ARPC1A: variants seen among roughly 807,000 people sequenced by gnomAD.
The protein encoded by ARPC1A is actin-related protein 2/3 complex subunit 1A.
A neutral mutation model predicts 46.9 loss-of-function variants in ARPC1A; 8 were observed. The ratio of observed to expected loss-of-function variants is 0.17; its 90% CI spans 0.10 to 0.31. The LOEUF is 0.31. ARPC1A is among the 10% of genes least tolerant of loss of function. ARPC1A has a pLI of 1.00. For missense variants in ARPC1A, 286 were observed against 483.6 expected (o/e 0.59, Z 3.83); for synonymous variants, 152 against 169.0 (o/e 0.90, Z 0.78).
chr7:99,332,900 G>A (rs1432418310), intron 1 of ARPC1A, among the ~76,000 whole-genome samples: 1 of 129,046 alleles, frequency 7.7e-6, no homozygotes, highest in South Asian at 2.5e-4. Context: ...CACCATGCCC[G>A]GCCTTTTTTT....
At chr7:99,339,852 C>A in intron 3 of ARPC1A, 2 of 384,096 alleles carry the variant, frequency 5.2e-6, no homozygotes, top group South Asian at 1.8e-5. Context: ...TGTGTTAATA[C>A]CACAGGGTAT....
chr7:99,344,920 C>CTTTTTTTTT lies in ARPC1A; in HGVS notation c.392+426_392+434dup, dbSNP rs1172071932. Among the ~76,000 whole-genome samples, 196 of 20,108 alleles carry CTTTTTTTTT rather than the reference C, an allele frequency of 9.7e-3. 66 individuals are homozygous for CTTTTTTTTT. Among genetic ancestry groups the CTTTTTTTTT allele is most frequent in the African/African-American group, 0.036 (167 of 4,576 alleles). 13.2% of individuals were successfully genotyped at this position (20,108 alleles called of 152,430 possible). On this transcript the variant is annotated intron_variant, in intron 4 of 9. Transcript: ENST00000262942. Reference sequence around the variant, plus strand: ...TAGGATTCCTACAGATAACAATGTTCTTTTTTTTTTTTTTTTTTTTTTTTT... The same window carrying CTTTTTTTTT: ...TAGGATTCCTACAGATAACAATGTTCTTTTTTTTTTTTTTTTTTTTTTTTTTTTTTTTTT...
At position 99,358,532 on chromosome 7, in the gene ARPC1A, C is replaced by T. The variant is rs913516017; in HGVS notation, c.789+117C>T. On this transcript the variant is annotated intron_variant, in intron 7 of 9. Transcript: ENST00000262942. ...GAACAGTTTTTTAGAAGAAACAGAG[C>T]TCACTTTTTTTTTTTTTTTTTTTTT... 3 of 611,460 alleles carry T rather than the reference C, an allele frequency of 4.9e-6. No individual in the cohort carries two copies. The African/African-American group carries it at 6.5e-5, about 13-fold the overall frequency. 37.9% of individuals were successfully genotyped at this position (611,460 alleles called of 1,614,324 possible).
In ARPC1A at chr7:99,344,376, G is replaced by A; in HGVS notation, c.253G>A (p.Val85Ile). ...CTATGTCTGGAGTCAGAAAGATGGT[G>A]TTTGGAAGCCAACCCTGGTGATCCT... is the stretch of plus-strand genomic sequence containing the variant. ...NAYVWSQKDG[V>I]WKPTLVILRI... Residue 85 changes from valine to isoleucine, a missense_variant, in exon 4 of 10, where the codon GTT (valine) becomes ATT (isoleucine). Coordinates refer to ENST00000262942, the MANE Select transcript of ARPC1A (RefSeq NM_006409.4). 3 of 1,614,026 alleles carry A rather than the reference G, an allele frequency of 1.9e-6. No homozygotes were observed. Among genetic ancestry groups the A allele is most frequent in the Non-Finnish European group, 2.5e-6 (3 of 1,179,872 alleles).
At chr7:99,342,792 G>A (rs548059212) in intron 3 of ARPC1A, among the ~76,000 whole-genome samples, 3 of 140,812 alleles carry the variant, frequency 2.1e-5, no homozygotes, top group Non-Finnish European at 3.0e-5. Context: ...GTGCGATCTC[G>A]GCTCACTGTA....
intron 8 of ARPC1A, among the ~76,000 whole-genome samples, chr7:99,362,077 T>C (rs149562836): frequency 0.099 from 15,085 of 152,010 alleles, 1,957 homozygotes; most frequent in African/African-American, 0.3. Context: ...GGCGGATCAC[T>C]TGAGGTCAGG....
chr7:99,336,140 C>T (rs1159201619), intron 2 of ARPC1A, among the ~76,000 whole-genome samples: 1 of 152,142 alleles, frequency 6.6e-6, no homozygotes. Flanking sequence ...ATTTTTAATA[C>T]AGATGCAAGC....
chr7:99,361,197 C>T (rs1244666510), intron 8 of ARPC1A, among the ~76,000 whole-genome samples: 1 of 152,048 alleles, frequency 6.6e-6, no homozygotes, highest in Admixed American at 6.6e-5. Context: ...GCTGCAAATG[C>T]TGTATTGAAA....
Position 99,366,261 on chromosome 7 carries a change from G to A in ARPC1A, c.*332G>A. 1 of 256,324 alleles carries A rather than the reference G, an allele frequency of 3.9e-6. No homozygotes were observed. The highest frequency in any genetic ancestry group is 6.8e-5 in the South Asian group (1 of 14,686). The allele number at this position is 256,324 out of a possible 1,614,324, so 15.9% of individuals were successfully genotyped here. The stretch of plus-strand genomic sequence containing the variant: ...AAAATTAAATAAAAGAACTGAATGT[G>A]GTTTTGGTTTTGTTTCCTTGTAGTA... On this transcript the variant is annotated 3_prime_UTR_variant, in exon 10 of 10. Transcript: ENST00000262942.
intron 6 of ARPC1A, among the ~76,000 whole-genome samples, chr7:99,356,191 C>T (rs1276141599): frequency 6.6e-6 from 1 of 152,192 alleles, no homozygotes; most frequent in Non-Finnish European, 1.5e-5. Context: ...GTGACCTTTA[C>T]TCCCTGTCAG....
chr7:99,359,453 A>T, intron 7 of ARPC1A, 92 bp from the exon 8 acceptor site: 85 of 1,067,010 alleles, frequency 8.0e-5, no homozygotes, highest in Middle Eastern at 3.1e-4. Context: ...AAAAAAAAAA[A>T]GAGTAAGAGA....
intron 5 of ARPC1A, among the ~76,000 whole-genome samples, chr7:99,350,227 C>CT (rs1793524875): frequency 6.6e-6 from 1 of 152,144 alleles, no homozygotes; most frequent in Admixed American, 6.6e-5. Flanking sequence ...AGCATGTACT[C>CT]TCTCTGTCTC....
At chr7:99,339,388 G>T (rs1275186264) in intron 3 of ARPC1A, among the ~76,000 whole-genome samples, 1 of 152,120 alleles carries the variant, frequency 6.6e-6, no homozygotes, top group Non-Finnish European at 1.5e-5. Context: ...CGTTAGCACG[G>T]TGTGGTGGCA....
intron 4 of ARPC1A, among the ~76,000 whole-genome samples, chr7:99,348,137 G>A (rs116979709): frequency 5.3e-4 from 81 of 152,260 alleles, no homozygotes; most frequent in Non-Finnish European, 1.0e-3. Context: ...GTGGAGACTT[G>A]GGAAGGATAT....
intron 2 of ARPC1A, among the ~76,000 whole-genome samples, chr7:99,334,406 CAGAA>C (rs1396714625): frequency 4.6e-5 from 7 of 151,744 alleles, no homozygotes; most frequent in Admixed American, 6.6e-5. Flanking sequence ...AATAAAAACA[CAGAA>C]AGAGCAGGAT....
intron 1 of ARPC1A, among the ~76,000 whole-genome samples, chr7:99,330,302 C>T (rs1043213396): frequency 6.6e-6 from 1 of 151,930 alleles, no homozygotes; most frequent in East Asian, 1.9e-4. Context: ...GGGTTCCCCC[C>T]CCCTTTTTGT....
At chr7:99,364,102 A>G (rs2150876713) in intron 9 of ARPC1A, among the ~76,000 whole-genome samples, 1 of 148,988 alleles carries the variant, frequency 6.7e-6, no homozygotes, top group African/African-American at 2.5e-5. Flanking sequence ...TTACAGGAGC[A>G]CACTACAACA....
chr7:99,338,378 ATTTTTTTT>A, intron 3 of ARPC1A, 93 bp downstream of exon 3: 1 of 242,130 alleles, frequency 4.1e-6, no homozygotes, highest in African/African-American at 4.9e-5. Flanking sequence ...GGTGGCCATA[ATTTTTTTT>A]TTTTTTTTTT....
intron 5 of ARPC1A, among the ~76,000 whole-genome samples, chr7:99,350,005 C>G (rs1793522022): frequency 6.6e-6 from 1 of 151,950 alleles, no homozygotes; most frequent in Admixed American, 6.6e-5. Context: ...AGTAAGACTC[C>G]ATCTCAAAAA....
Sources: allele counts gnomAD v4.1 joint callset (sites outside exome capture counted in the v4.1 genomes callset), GRCh38; gene constraint gnomAD v4.1.1; transcripts MANE v1.5; gene names NCBI Gene and HGNC (gene_info 2026-07-23, HGNC 2026-07-21).